SMAD2: variants seen among roughly 807,000 people sequenced by gnomAD.
SMAD2 encodes the protein MAD homolog 2.
Under a neutral mutation model 64.4 loss-of-function variants are expected in SMAD2, and 8 were observed. The observed-to-expected ratio is 0.12, with a 90% confidence interval of 0.07 to 0.22. SMAD2 has a LOEUF of 0.22. Among genes scored for constraint, SMAD2 ranks in the 10% least tolerant of loss-of-function variants. SMAD2 has a pLI of 1.00. For missense variants in SMAD2, 289 were observed against 561.2 expected, an observed-to-expected ratio of 0.51 and a Z score of 4.90; for synonymous variants, 203 against 195.8, an observed-to-expected ratio of 1.04 and a Z score of -0.31.
intron 1 of SMAD2, among the ~76,000 whole-genome samples, chr18:47,903,139 A>C (rs2033754081): frequency 6.6e-6 from 1 of 152,108 alleles, no homozygotes; most frequent in African/African-American, 2.4e-5. Flanking sequence ...GAAAGGTGAG[A>C]AAAAGATGAT....
chr18:47,914,290 C>A (rs1598887291), intron 1 of SMAD2, among the ~76,000 whole-genome samples: 1 of 152,134 alleles, frequency 6.6e-6, no homozygotes, highest in African/African-American at 2.4e-5. Flanking sequence ...AATTAAAAAT[C>A]TTTTATGCCA....
chr18:47,923,435 GCTGT>G (rs1489606072), intron 1 of SMAD2: 1 of 152,180 alleles, frequency 6.6e-6, no homozygotes, highest in Non-Finnish European at 1.5e-5. Context: ...GGGTATCTGT[GCTGT>G]CTAATACAGT....
Position 47,920,898 on chromosome 18 carries a change from T to A in SMAD2, c.-54+9463A>T, listed in dbSNP as rs1334440355. ...GGCCAGGCACAGTGGCTTACGCCTG[T>A]AATCCCAAAACTTTGAGGGGCCGTG... On this transcript the variant is annotated intron_variant, in intron 1 of 10. Coordinates refer to ENST00000262160, the MANE Select transcript of SMAD2 (RefSeq NM_005901.6). Among the ~76,000 whole-genome samples, 38 of 152,238 alleles carry A rather than the reference T, an allele frequency of 2.5e-4. 1 individual carries two copies. The highest frequency in any genetic ancestry group is 1.5e-5 in the Non-Finnish European group (1 of 68,050).
rs575634936 is a variant in SMAD2 at position 47,826,710 on chromosome 18, C to T, written c.*15117G>A. On this transcript the variant is annotated 3_prime_UTR_variant, in exon 11 of 11. Coordinates refer to ENST00000262160, the MANE Select transcript of SMAD2 (RefSeq NM_005901.6). ...TGGTTGCTACGAGTTACTTTTGCGG[C>T]AATAATTGCTCCAATATGTTCTATG... 1 of 152,188 alleles carries T rather than the reference C, an allele frequency of 6.6e-6. No homozygotes were observed. The highest frequency in any genetic ancestry group is 1.5e-5 in the Non-Finnish European group (1 of 68,026). The allele number at this position is 152,188 out of a possible 1,614,324, so 9.4% of individuals were successfully genotyped here.
At position 47,822,086 on chromosome 18, in the gene SMAD2, G is replaced by A. The variant is rs1598723184; in HGVS notation, c.*19741C>T. ...TGTATGAAAAGCATTGTCTAATGAT[G>A]TAATACTAGACACAGTTACATTTAT... On this transcript the variant is annotated 3_prime_UTR_variant, in exon 11 of 11. Transcript: ENST00000262160. 6.6e-6 allele frequency: 1 copy of A among 152,170 alleles called. No homozygotes were observed. The highest frequency in any genetic ancestry group is 6.5e-5 in the Admixed American group (1 of 15,280). 9.4% of individuals were successfully genotyped at this position (152,170 alleles called of 1,614,324 possible).
chr18:47,919,343 T>C (rs933414978), intron 1 of SMAD2, among the ~76,000 whole-genome samples: 1 of 151,146 alleles, frequency 6.6e-6, no homozygotes, highest in Non-Finnish European at 1.5e-5. Context: ...CAAAAGGAGA[T>C]ACTAGTAAAA....
intron 1 of SMAD2, among the ~76,000 whole-genome samples, chr18:47,905,036 A>C (rs1055770562): frequency 3.3e-5 from 5 of 152,328 alleles, no homozygotes; most frequent in South Asian, 2.1e-4. Context: ...GCAACAAAGA[A>C]AAGATAGACT....
intron 1 of SMAD2, among the ~76,000 whole-genome samples, chr18:47,927,294 C>G (rs867918441): frequency 7.1e-6 from 1 of 139,872 alleles, no homozygotes; most frequent in South Asian, 2.4e-4. Context: ...CCCCAAAATA[C>G]ACAGATTGTT....
At chr18:47,911,665 T>C (rs2034140393) in intron 1 of SMAD2, among the ~76,000 whole-genome samples, 1 of 152,156 alleles carries the variant, frequency 6.6e-6, no homozygotes, top group African/African-American at 2.4e-5. Flanking sequence ...TTTAGCAATA[T>C]AGTAGAAATG....
intron 7 of SMAD2, among the ~76,000 whole-genome samples, chr18:47,850,374 T>A (rs1312797621): frequency 4.3e-5 from 1 of 23,146 alleles, no homozygotes; most frequent in South Asian, 1.5e-3. Flanking sequence ...TAATATATAT[T>A]ATATATATTA....
intron 2 of SMAD2, among the ~76,000 whole-genome samples, chr18:47,889,383 T>C (rs112015384): frequency 0.017 from 2,607 of 151,832 alleles, 64 homozygotes; most frequent in African/African-American, 0.059. Flanking sequence ...TCCCAGAATG[T>C]AGTCACATAA....
At chr18:47,851,431 A>G (rs2030062695) in intron 6 of SMAD2, 104 bp from the exon 7 acceptor site, 1 of 711,550 alleles carries the variant, frequency 1.4e-6, no homozygotes, top group Non-Finnish European at 2.5e-6. Context: ...AATAATACAA[A>G]GATAATTTAA....
In SMAD2 at chr18:47,836,788, G is replaced by C; in HGVS notation, c.*5039C>G. 4.6e-6 allele frequency: 1 copy of C among 218,630 alleles called. No individual in the cohort carries two copies. Among genetic ancestry groups the C allele is most frequent in the Non-Finnish European group, 9.1e-6 (1 of 109,450 alleles). The allele number at this position is 218,630 out of a possible 1,614,324, so 13.5% of individuals were successfully genotyped here. On this transcript the variant is annotated 3_prime_UTR_variant, in exon 11 of 11. Coordinates refer to ENST00000262160, the MANE Select transcript of SMAD2 (RefSeq NM_005901.6). ...TGCTATCATGAGGCTATCTAGTATA[G>C]CTCATATTTCCTGGTTGTAAGGCTC...
Position 47,833,235 on chromosome 18 carries a change from T to C in SMAD2, c.*8592A>G, listed in dbSNP as rs1210053319. The C allele has an allele frequency of 4.7e-6, 1 of 211,240 alleles. No homozygotes were observed. The highest frequency in any genetic ancestry group is 2.3e-5 in the African/African-American group (1 of 44,104). 13.1% of individuals were successfully genotyped at this position (211,240 alleles called of 1,614,324 possible). A position where few individuals can be genotyped will look rare whatever the true frequency, so the allele number is the denominator to read the frequency against. On this transcript the variant is annotated 3_prime_UTR_variant, in exon 11 of 11. Transcript: ENST00000262160. ...CATACAGATGATGCACACAAATATATATAAAAATTGACCAGAAATCACAGG... is the reference window on the plus strand; with the variant it reads ...CATACAGATGATGCACACAAATATACATAAAAATTGACCAGAAATCACAGG...
rs1461369372 is a variant in SMAD2, at chr18:47,820,542, A to G, written c.*21285T>C. On this transcript the variant is annotated 3_prime_UTR_variant, in exon 11 of 11. Transcript: ENST00000262160. ...TATGAAGGAAGTTAATGGGTGTGAG[A>G]ATGTACCTTTGGTAAGGAAGGTTAC... The G allele has an allele frequency of 6.6e-6, 1 of 152,188 alleles. No individual in the cohort carries two copies. Among genetic ancestry groups the G allele is most frequent in the Non-Finnish European group, 1.5e-5 (1 of 68,042 alleles). The allele number at this position is 152,188 out of a possible 1,614,324, so 9.4% of individuals were successfully genotyped here. A position where few individuals can be genotyped will look rare whatever the true frequency, so the allele number is the denominator to read the frequency against.
intron 2 of SMAD2, among the ~76,000 whole-genome samples, chr18:47,890,459 CAAAAAT>C (rs968953147): frequency 6.6e-6 from 1 of 152,092 alleles, no homozygotes; most frequent in African/African-American, 2.4e-5. Flanking sequence ...TCCTGAAAAA[CAAAAAT>C]AGAGAACGAA....
intron 1 of SMAD2, among the ~76,000 whole-genome samples, chr18:47,897,911 TAA>T (rs761031168): frequency 1.3e-5 from 2 of 152,248 alleles, no homozygotes; most frequent in Non-Finnish European, 2.9e-5. Context: ...CCATATTTAA[TAA>T]AGTTCCCAAA....
chr18:47,834,427 G>A lies in SMAD2; in HGVS notation c.*7400C>T. 1 of 206,764 alleles carries A rather than the reference G, an allele frequency of 4.8e-6. No individual in the cohort carries two copies. The highest frequency in any genetic ancestry group is 9.9e-6 in the Non-Finnish European group (1 of 101,282). The allele number at this position is 206,764 out of a possible 1,614,324, so 12.8% of individuals were successfully genotyped here. ...CTCTGCTAAAAGTTTTGTATCCAGG[G>A]AAAGTCCCGCATCCAGGGAAACCCT... On this transcript the variant is annotated 3_prime_UTR_variant, in exon 11 of 11. Coordinates refer to ENST00000262160, the MANE Select transcript of SMAD2 (RefSeq NM_005901.6).
chr18:47,859,860 T>A (rs2031026739), intron 6 of SMAD2, among the ~76,000 whole-genome samples: 1 of 152,176 alleles, frequency 6.6e-6, no homozygotes, highest in Non-Finnish European at 1.5e-5. Context: ...ATTACTAACA[T>A]TATAAATTTT....
Sources: allele counts gnomAD v4.1 joint callset (sites outside exome capture counted in the v4.1 genomes callset), GRCh38; gene constraint gnomAD v4.1.1; transcripts MANE v1.5; gene names NCBI Gene and HGNC (gene_info 2026-07-23, HGNC 2026-07-21).